Variants in APBA2 observed in about 807,000 individuals in gnomAD.
APBA2 encodes amyloid beta precursor protein binding family A member 2.
Under a neutral mutation model 75.0 loss-of-function variants are expected in APBA2, and 30 were observed. The observed-to-expected ratio is 0.40, with a 90% CI of 0.30 to 0.54. The LOEUF is 0.54. Among genes scored for constraint, APBA2 ranks in the 20% least tolerant of loss-of-function variants. APBA2 has a pLI of 0.49. For synonymous variants in APBA2, 444 were observed against 409.6 expected (o/e 1.08, Z -1.01); for missense variants, 801 against 1,016.1 (o/e 0.79, Z 2.88).
chr15:28,966,739 CCT>C (rs2036759927), intron 2 of APBA2, among the ~76,000 whole-genome samples: 2 of 151,610 alleles, frequency 1.3e-5, no homozygotes, highest in Non-Finnish European at 3.0e-5. Flanking sequence ...CTTTCTCATT[CCT>C]CTGTTTCTTT....
At chr15:28,989,056 T>C (rs902763773) in intron 2 of APBA2, among the ~76,000 whole-genome samples, 6 of 152,224 alleles carry the variant, frequency 3.9e-5, no homozygotes, top group African/African-American at 1.4e-4. Flanking sequence ...GCTAACATCT[T>C]TCCATGTATC....
chr15:29,070,781 C>T (rs557247435), intron 4 of APBA2: 6 of 271,618 alleles, frequency 2.2e-5, no homozygotes, highest in South Asian at 3.7e-5. Flanking sequence ...TAGCGGGTCT[C>T]GGCCGCCCCT....
intron 3 of APBA2, among the ~76,000 whole-genome samples, chr15:28,998,486 T>C (rs1289579413): frequency 6.6e-6 from 1 of 152,090 alleles, no homozygotes; most frequent in Non-Finnish European, 1.5e-5. Context: ...TAGCCCAAAG[T>C]GTTCTTTAAA....
At position 29,054,085 on chromosome 15, in the gene APBA2, C is replaced by G; in HGVS notation, c.201C>G (p.Ser67Arg). 6.2e-7 allele frequency: 1 copy of G among 1,614,066 alleles called. No individual in the cohort carries two copies. Among genetic ancestry groups the G allele is most frequent in the Non-Finnish European group, 8.5e-7 (1 of 1,180,034 alleles). Reference sequence around the variant, plus strand: ...AGGAACAGGAGTGCCACAACCACAGCCCCGATGGGGACTCCAGCTCTGACT... The same window carrying G: ...AGGAACAGGAGTGCCACAACCACAGGCCCGATGGGGACTCCAGCTCTGACT... ...APEEQECHNH[S>R]PDGDSSSDYV... is the part of the protein sequence containing the mutation. The change falls in exon 4 of 15, where the codon AGC (serine) becomes AGG (arginine). Residue 67 changes from serine (S) to arginine (R), a missense_variant. Ser to Arg is a moderately radical substitution (Grantham distance 110, BLOSUM62 -1). This residue lies in a region of APBA2 where 434 missense variants were observed against 471.6 expected (regional missense o/e 0.92). Transcript: ENST00000683413. This position sits in a 1 kb window ranked among gnomAD's most constrained non-coding sequence, Gnocchi z 6.1.
At chr15:28,955,921 G>A (rs917086259) in intron 2 of APBA2, among the ~76,000 whole-genome samples, 6 of 152,090 alleles carry the variant, frequency 3.9e-5, no homozygotes, top group African/African-American at 1.4e-4. Context: ...AGGCAGGGCC[G>A]TGGACCCGTA....
intron 1 of APBA2, among the ~76,000 whole-genome samples, chr15:28,894,893 C>T (rs1314986202): frequency 6.8e-5 from 10 of 146,820 alleles, no homozygotes; most frequent in African/African-American, 2.5e-4. Context: ...GGGAGGGGCT[C>T]AGTAAGAACA....
chr15:29,070,848 C>G, intron 4 of APBA2: 1 of 326,238 alleles, frequency 3.1e-6, no homozygotes, highest in South Asian at 2.4e-5. Flanking sequence ...TAGGGATGAT[C>G]GCCTCTTTTG....
At chr15:28,904,866 T>TG (rs2033060218) in intron 1 of APBA2, among the ~76,000 whole-genome samples, 1 of 151,888 alleles carries the variant, frequency 6.6e-6, no homozygotes, top group African/African-American at 2.4e-5. Context: ...GCAGTGGGAG[T>TG]GGGGCTGGAG....
chr15:28,900,430 C>T (rs560868295), intron 1 of APBA2, among the ~76,000 whole-genome samples: 16 of 152,340 alleles, frequency 1.1e-4, no homozygotes, highest in Middle Eastern at 3.4e-3. Context: ...TGGCCACTCA[C>T]TCAGGTCACT....
At chr15:29,017,749 C>T (rs1185610062) in intron 3 of APBA2, among the ~76,000 whole-genome samples, 2 of 152,290 alleles carry the variant, frequency 1.3e-5, no homozygotes, top group African/African-American at 2.4e-5. Context: ...TTTATGCTTG[C>T]TCTTACTTTG....
chr15:28,966,702 T>C (rs1443367711), intron 2 of APBA2, among the ~76,000 whole-genome samples: 1 of 152,072 alleles, frequency 6.6e-6, no homozygotes, highest in Non-Finnish European at 1.5e-5. Context: ...AGGGTTTAAG[T>C]CTGCATTTTA....
At chr15:29,090,536 C>T (rs2043509833) in intron 6 of APBA2, among the ~76,000 whole-genome samples, 1 of 152,200 alleles carries the variant, frequency 6.6e-6, no homozygotes, top group African/African-American at 2.4e-5. Context: ...GGAGGGCTGG[C>T]CTCCCAGCCT....
chr15:28,985,884 C>T (rs2037898055), intron 2 of APBA2, among the ~76,000 whole-genome samples: 2 of 152,140 alleles, frequency 1.3e-5, no homozygotes, highest in Non-Finnish European at 1.5e-5. Context: ...ACCCTGGCTT[C>T]TGAACAGTCC....
intron 2 of APBA2, among the ~76,000 whole-genome samples, chr15:28,972,479 A>G (rs563305000): frequency 1.6e-4 from 25 of 152,352 alleles, no homozygotes; most frequent in African/African-American, 5.8e-4. Context: ...TACAAAGGAA[A>G]TTTACAGAGT....
chr15:28,949,889 C>T (rs1235023037), intron 2 of APBA2, among the ~76,000 whole-genome samples: 1 of 152,228 alleles, frequency 6.6e-6, no homozygotes, highest in Non-Finnish European at 1.5e-5. Flanking sequence ...TAACATCTTA[C>T]ATCACACGGT....
rs1596028175 is a variant in APBA2, at chr15:29,117,317, T to TATC, written c.*186_*188dup. The TATC allele has an allele frequency of 1.3e-5, 8 of 614,430 alleles. No homozygotes were observed. Among genetic ancestry groups the TATC allele is most frequent in the East Asian group, 8.2e-5 (3 of 36,364 alleles). The allele number at this position is 614,430 out of a possible 1,614,324, so 38.1% of individuals were successfully genotyped here. The stretch of plus-strand genomic sequence containing the variant: ...ATTTTGCCAAAAAGGGGTATGTCTT[T>TATC]ATCAAAGGAGAGTCACAGAACAAAT... On this transcript the variant is annotated 3_prime_UTR_variant, in exon 15 of 15. Transcript: ENST00000683413.
chr15:29,017,314 C>T (rs779904854), intron 3 of APBA2, among the ~76,000 whole-genome samples: 7 of 151,926 alleles, frequency 4.6e-5, no homozygotes, highest in Non-Finnish European at 8.8e-5. Context: ...CTGGAATTCC[C>T]ATCTATCTGA....
intron 2 of APBA2, among the ~76,000 whole-genome samples, chr15:28,934,023 C>CG (rs1566813342): frequency 1.3e-5 from 2 of 151,214 alleles, no homozygotes; most frequent in African/African-American, 4.9e-5. Context: ...AGCTTGCACA[C>CG]GGGAAAACAA....
At chr15:28,892,151 G>C (rs1198275462) in intron 1 of APBA2, among the ~76,000 whole-genome samples, 3 of 152,074 alleles carry the variant, frequency 2.0e-5, no homozygotes, top group Non-Finnish European at 4.4e-5. Context: ...CTCAGCTCAC[G>C]GCAAGCTCTG....
Sources: gnomAD v4.1 joint callset for allele counts (sites outside exome capture counted in the v4.1 genomes callset) on GRCh38, gnomAD v4.1.1 for gene constraint, gnomAD v4.1.1 regional missense constraint, Gnocchi (gnomAD v3.1) non-coding constraint, MANE v1.5 for transcripts, NCBI Gene and HGNC (gene_info 2026-07-23, HGNC 2026-07-21) for gene names.